The following ZNF503 variants were observed in gnomAD, a reference collection of about 807,000 sequenced individuals.
ZNF503 encodes zinc finger protein 503.
ZNF503 carries 15 observed loss-of-function variants against 34.4 expected under a neutral mutation model. The ratio of observed to expected loss-of-function variants is 0.44; its 90% CI spans 0.29 to 0.67. The LOEUF is 0.67. Among genes scored for constraint, ZNF503 ranks in the 30% least tolerant of loss-of-function variants. The pLI is 0.13. For missense variants in ZNF503, 1,007 were observed against 926.8 expected (o/e 1.09, Z -1.12); for synonymous variants, 580 against 456.8 (o/e 1.27, Z -3.44).
downstream of ZNF503, among the ~76,000 whole-genome samples, chr10:75,395,490 G>A (rs898521672): frequency 6.6e-6 from 1 of 152,036 alleles, no homozygotes; most frequent in Non-Finnish European, 1.5e-5. The surrounding 1 kb of genome is among the most constrained non-coding windows in gnomAD (Gnocchi z 4.4). Context: ...CTGCAGCGCC[G>A]CCTGGTGGAC....
chr10:75,293,242 C>G, the ZNF503 span, among the ~76,000 whole-genome samples: 1 of 152,178 alleles, frequency 6.6e-6, no homozygotes, highest in Non-Finnish European at 1.5e-5. Flanking sequence ...CACCATCCTG[C>G]CCTCAAGTAG....
the ZNF503 span, among the ~76,000 whole-genome samples, chr10:75,353,720 G>A: frequency 2.0e-5 from 3 of 152,190 alleles, no homozygotes; most frequent in African/African-American, 7.2e-5. Context: ...CCATTGCTAA[G>A]GTGACACCTG....
the ZNF503 span, among the ~76,000 whole-genome samples, chr10:75,285,847 C>T: frequency 6.6e-6 from 1 of 152,174 alleles, no homozygotes; most frequent in Non-Finnish European, 1.5e-5. Context: ...ATGGAGGAGA[C>T]AGCAGGGAGC....
At position 75,399,115 on chromosome 10, in the gene ZNF503, G is replaced by A. The variant is rs769052845; in HGVS notation, c.1575C>T (p.Cys525=). 4 of 1,613,562 alleles carry A rather than the reference G, an allele frequency of 2.5e-6. No homozygotes were observed. The highest frequency in any genetic ancestry group is 2.7e-5 in the African/African-American group (2 of 74,912). Residue 525 remains cysteine, a synonymous_variant, in exon 2 of 2, where the codon TGC becomes TGT. Coordinates refer to ENST00000372524, the MANE Select transcript of ZNF503 (RefSeq NM_032772.6). ...CTTCGGACGTGGCGAAGCGCTTGTC[G>A]CACGGCCCGTTGGCCGACACCCAGT... is the stretch of plus-strand genomic sequence containing the variant. ...ICNWVSANGP[C]DKRFATSEEL...
At chr10:75,352,807 G>A in the ZNF503 span, among the ~76,000 whole-genome samples, 7 of 152,378 alleles carry the variant, frequency 4.6e-5, no homozygotes, top group East Asian at 1.2e-3. Context: ...GAGCATGAGA[G>A]TGAGTGAGTC....
downstream of ZNF503, among the ~76,000 whole-genome samples, chr10:75,394,858 C>T (rs1015829665): frequency 2.6e-5 from 4 of 152,316 alleles, no homozygotes; most frequent in Middle Eastern, 3.4e-3. Flanking sequence ...GGTCCTTCTT[C>T]AGCAGCTCTC....
At chr10:75,378,581 T>C in the ZNF503 span, among the ~76,000 whole-genome samples, 1 of 151,996 alleles carries the variant, frequency 6.6e-6, no homozygotes, top group Non-Finnish European at 1.5e-5. Context: ...TCCATCCTCA[T>C]CATTCAGAGG....
the ZNF503 span, among the ~76,000 whole-genome samples, chr10:75,352,609 G>C: frequency 2.0e-5 from 3 of 152,200 alleles, no homozygotes; most frequent in Admixed American, 6.5e-5. Flanking sequence ...GGACTGAGCT[G>C]CCTGAATGCA....
the ZNF503 span, among the ~76,000 whole-genome samples, chr10:75,298,754 C>T: frequency 6.6e-6 from 1 of 151,866 alleles, no homozygotes; most frequent in Non-Finnish European, 1.5e-5. Context: ...CTAGGTTTAA[C>T]TTAAAATTTT....
At chr10:75,392,364 G>A in the ZNF503 span, among the ~76,000 whole-genome samples, 1 of 152,182 alleles carries the variant, frequency 6.6e-6, no homozygotes, top group East Asian at 1.9e-4. Context: ...CTGGTCCCTG[G>A]TACAGTGACC....
chr10:75,374,544 C>T, the ZNF503 span, among the ~76,000 whole-genome samples: 1 of 152,130 alleles, frequency 6.6e-6, no homozygotes, highest in East Asian at 1.9e-4. Context: ...CAAATTCTTA[C>T]CCGAAGGTCA....
the ZNF503 span, among the ~76,000 whole-genome samples, chr10:75,365,260 G>T: frequency 6.6e-6 from 1 of 152,136 alleles, no homozygotes; most frequent in Non-Finnish European, 1.5e-5. Context: ...GCAATTCTCT[G>T]CCTCAGCCTG....
chr10:75,358,771 T>G, the ZNF503 span: 2 of 152,158 alleles, frequency 1.3e-5, no homozygotes, highest in African/African-American at 4.8e-5. Context: ...CAGTCCCTAC[T>G]CAACCTAGGA....
the ZNF503 span, among the ~76,000 whole-genome samples, chr10:75,280,614 A>G: frequency 4.0e-5 from 6 of 151,360 alleles, no homozygotes; most frequent in African/African-American, 1.5e-4. Context: ...GTTTTCATTC[A>G]TCCATTTATT....
the ZNF503 span, among the ~76,000 whole-genome samples, chr10:75,287,453 C>T: frequency 6.6e-6 from 1 of 152,132 alleles, no homozygotes; most frequent in Non-Finnish European, 1.5e-5. Context: ...CCTGACCCCC[C>T]TTCTGGCTTT....
At chr10:75,293,493 T>C in the ZNF503 span, among the ~76,000 whole-genome samples, 1 of 152,122 alleles carries the variant, frequency 6.6e-6, no homozygotes, top group African/African-American at 2.4e-5. Context: ...TGAACAAATA[T>C]GCAAATGGAT....
rs374168185 is a variant in ZNF503 at position 75,401,342 on chromosome 10, G to GCCGCCTCCGCCT, written c.66_77dup (p.Gly24_Gly27dup). The GCCGCCTCCGCCT allele has an allele frequency of 0.051, 79,034 of 1,536,262 alleles. 2,165 individuals carry two copies. The highest frequency in any genetic ancestry group is 0.06 in the Non-Finnish European group (68,266 of 1,144,214). On this transcript the variant is annotated inframe_insertion, in exon 1 of 2. Coordinates refer to ENST00000372524, the MANE Select transcript of ZNF503 (RefSeq NM_032772.6). Reference sequence around the variant, plus strand: ...CGCTGGTCCAGGCAGGGTCTGCACCGCCGCCTCCGCCTCCGCCGCCGCCGC... The same window carrying GCCGCCTCCGCCT: ...CGCTGGTCCAGGCAGGGTCTGCACCGCCGCCTCCGCCTCCGCCTCCGCCTCCGCCGCCGCCGC...
the ZNF503 span, among the ~76,000 whole-genome samples, chr10:75,388,816 C>A: frequency 6.6e-6 from 1 of 152,140 alleles, no homozygotes; most frequent in South Asian, 2.1e-4. Context: ...AAAGGAAAAC[C>A]CAGAGCCCCT....
the ZNF503 span, among the ~76,000 whole-genome samples, chr10:75,295,879 G>C: frequency 3.3e-5 from 5 of 152,144 alleles, no homozygotes; most frequent in Admixed American, 2.0e-4. The surrounding 1 kb of genome is among the most constrained non-coding windows in gnomAD (Gnocchi z 4.0). Context: ...CACATGGAAG[G>C]GGGGAGAGAG....
Sources: gnomAD v4.1 joint callset for allele counts (sites outside exome capture counted in the v4.1 genomes callset) on GRCh38, gnomAD v4.1.1 for gene constraint, Gnocchi (gnomAD v3.1) non-coding constraint, MANE v1.5 for transcripts, NCBI Gene and HGNC (gene_info 2026-07-23, HGNC 2026-07-21) for gene names.